SAXO1: variants seen among roughly 807,000 people sequenced by gnomAD.
SAXO1 encodes the protein 4930500O09Rik.
A neutral mutation model predicts 17.5 loss-of-function variants in SAXO1; 21 were observed. The ratio of observed to expected loss-of-function variants is 1.20; its 90% confidence interval spans 0.85 to 1.72. The LOEUF is 1.72. Among genes scored for constraint, SAXO1 ranks in the 40% most tolerant of loss-of-function variants. The pLI, the probability that SAXO1 is intolerant of heterozygous loss-of-function variation, is 0.00. For synonymous variants in SAXO1, 274 were observed against 216.5 expected, an observed-to-expected ratio of 1.27 and a Z score of -2.33; for missense variants, 843 against 596.0, an observed-to-expected ratio of 1.41 and a Z score of -4.32.
chr9:19,037,773 C>A (rs890669239), upstream of SAXO1, among the ~76,000 whole-genome samples: 8 of 152,196 alleles, frequency 5.3e-5, no homozygotes, highest in African/African-American at 1.9e-4. Context: ...TTTACTGTAA[C>A]TTGCTATCAA....
intron 1 of SAXO1, among the ~76,000 whole-genome samples, chr9:19,029,337 A>G (rs377395228): frequency 6.6e-6 from 1 of 152,316 alleles, no homozygotes; most frequent in East Asian, 1.9e-4. Context: ...CTCCAGGATT[A>G]AAAAATGGGG....
intron 2 of SAXO1, among the ~76,000 whole-genome samples, chr9:18,947,229 A>G (rs1225084340): frequency 2.0e-5 from 3 of 152,288 alleles, no homozygotes; most frequent in African/African-American, 7.2e-5. Flanking sequence ...CTTTGAACAA[A>G]AAATATATAT....
chr9:18,969,543 C>G (rs1198226919), intron 1 of SAXO1, among the ~76,000 whole-genome samples: 2 of 152,184 alleles, frequency 1.3e-5, no homozygotes, highest in East Asian at 3.8e-4. Flanking sequence ...GGGTTGCTTG[C>G]ACAGCACACT....
intron 1 of SAXO1, among the ~76,000 whole-genome samples, chr9:18,989,189 G>C (rs936178373): frequency 2.3e-4 from 35 of 152,124 alleles, no homozygotes; most frequent in Non-Finnish European, 1.0e-4. Context: ...TCTGAGACTA[G>C]CAAATTAGTA....
chr9:18,996,336 C>T (rs7020294), intron 1 of SAXO1, among the ~76,000 whole-genome samples: 79,453 of 152,012 alleles, frequency 0.52, 22,106 homozygotes, highest in Non-Finnish European at 0.63. Flanking sequence ...TAGGCAATTT[C>T]GTCATTGTGC....
At position 19,011,848 on chromosome 9, in the gene SAXO1, G is replaced by GTTTTTTTT. The variant is rs10646825; in HGVS notation, c.38+21022_38+21023insAAAAAAAA. ...TTCAATTTTACCATTATTAAGCATAGATTTTTTTTTTTTTTTGAGATGGAG... is the reference window on the plus strand; with the variant it reads ...TTCAATTTTACCATTATTAAGCATAGTTTTTTTTATTTTTTTTTTTTTTTGAGATGGAG... On this transcript the variant is annotated intron_variant, in intron 1 of 3. Coordinates refer to ENST00000380534, the MANE Select transcript of SAXO1 (RefSeq NM_153707.4). Among the ~76,000 whole-genome samples, 11 of 143,520 alleles carry GTTTTTTTT rather than the reference G, an allele frequency of 7.7e-5. 3 individuals are homozygous for GTTTTTTTT. Among genetic ancestry groups the GTTTTTTTT allele is most frequent in the Non-Finnish European group, 4.5e-5 (3 of 66,494 alleles). 94.2% of individuals were successfully genotyped at this position (143,520 alleles called of 152,430 possible).
chr9:19,027,552 G>T, intron 1 of SAXO1: 1 of 1,199,686 alleles, frequency 8.3e-7, no homozygotes, highest in Non-Finnish European at 1.2e-6. Context: ...GCCTGGGCCT[G>T]TAGGGCACAG....
intron 1 of SAXO1, among the ~76,000 whole-genome samples, chr9:19,045,432 T>G (rs1475371325): frequency 8.6e-6 from 1 of 116,622 alleles, no homozygotes. Context: ...GCAGTTTTTA[T>G]TCCCTGCAAA....
chr9:18,931,483 G>A (rs908652448), intron 3 of SAXO1, among the ~76,000 whole-genome samples: 7 of 152,188 alleles, frequency 4.6e-5, no homozygotes, highest in Admixed American at 4.6e-4. Context: ...TTGTGAAGAA[G>A]TCTGTGTGTG....
At chr9:19,042,970 G>C (rs1328009572) in intron 1 of SAXO1, among the ~76,000 whole-genome samples, 1 of 151,372 alleles carries the variant, frequency 6.6e-6, no homozygotes, top group African/African-American at 2.4e-5. Context: ...CCGGGAGTTT[G>C]AGACCACGCT....
At chr9:19,005,419 A>G (rs79361988) in intron 1 of SAXO1, among the ~76,000 whole-genome samples, 3 of 152,228 alleles carry the variant, frequency 2.0e-5, no homozygotes, top group Non-Finnish European at 4.4e-5. Context: ...TGATACTAGC[A>G]TAAGGACAGA....
intron 1 of SAXO1, chr9:19,027,710 A>G (rs1057147871): frequency 3.0e-5 from 42 of 1,390,314 alleles, no homozygotes; most frequent in Non-Finnish European, 4.3e-5. Context: ...TGCCATAGGC[A>G]CCAAGCACTT....
intron 1 of SAXO1, among the ~76,000 whole-genome samples, chr9:19,003,390 C>G (rs956164245): frequency 2.0e-5 from 3 of 152,164 alleles, no homozygotes; most frequent in Admixed American, 6.5e-5. Context: ...TTGGAAAAAA[C>G]TACTTTAAAG....
At chr9:18,960,231 G>C (rs1832429879) in intron 1 of SAXO1, among the ~76,000 whole-genome samples, 1 of 152,130 alleles carries the variant, frequency 6.6e-6, no homozygotes, top group Non-Finnish European at 1.5e-5. Context: ...GGACGCGTGG[G>C]GTAGGATTTT....
chr9:19,041,022 T>C (rs543671655), intron 1 of SAXO1, among the ~76,000 whole-genome samples: 1 of 151,718 alleles, frequency 6.6e-6, no homozygotes, highest in African/African-American at 2.4e-5. Context: ...TTGCAGATGA[T>C]ATGTTCTTAT....
intron 1 of SAXO1, among the ~76,000 whole-genome samples, chr9:18,965,455 T>G (rs986781498): frequency 6.6e-6 from 1 of 152,204 alleles, no homozygotes; most frequent in Non-Finnish European, 1.5e-5. Context: ...GCATATATAT[T>G]TAGGATAGTT....
chr9:19,002,464 T>C (rs1388151211), intron 1 of SAXO1, among the ~76,000 whole-genome samples: 3 of 152,260 alleles, frequency 2.0e-5, no homozygotes, highest in African/African-American at 7.2e-5. Flanking sequence ...TAGGCCAATA[T>C]CCCTGATGAA....
At chr9:18,969,029 A>ATGAGACT (rs1832845929) in intron 1 of SAXO1, among the ~76,000 whole-genome samples, 1 of 106,974 alleles carries the variant, frequency 9.3e-6, no homozygotes, top group African/African-American at 9.2e-5. Flanking sequence ...GATGCTGGAA[A>ATGAGACT]TGGGGGCCCA....
intron 1 of SAXO1, among the ~76,000 whole-genome samples, chr9:18,976,748 G>A (rs1833169691): frequency 6.6e-6 from 1 of 152,148 alleles, no homozygotes; most frequent in Non-Finnish European, 1.5e-5. Flanking sequence ...TTTCCAACGA[G>A]GACATTCCAA....
Sources: gnomAD v4.1 joint callset for allele counts (sites outside exome capture counted in the v4.1 genomes callset) on GRCh38, gnomAD v4.1.1 for gene constraint, MANE v1.5 for transcripts, NCBI Gene and HGNC (gene_info 2026-07-23, HGNC 2026-07-21) for gene names.